Variants in SYNE2 observed in about 807,000 individuals in gnomAD.
The protein encoded by SYNE2 is spectrin repeat containing nuclear envelope protein 2.
A neutral mutation model predicts 856.3 loss-of-function variants in SYNE2; 431 were observed. The ratio of observed to expected loss-of-function variants is 0.50; its 90% CI spans 0.47 to 0.55. The LOEUF is 0.55. SYNE2 is among the 20% of genes least tolerant of loss of function. SYNE2 has a pLI of 0.00. For synonymous variants in SYNE2, 2,923 were observed against 2,872.3 expected (o/e 1.02, Z -0.56); for missense variants, 8,129 against 8,023.2 (o/e 1.01, Z -0.50).
At chr14:64,097,224 A>G (rs956539045) in intron 61 of SYNE2, among the ~76,000 whole-genome samples, 3 of 152,226 alleles carry the variant, frequency 2.0e-5, no homozygotes, top group African/African-American at 7.2e-5. Context: ...TCTGTCCATC[A>G]TTCCCATAAT....
chr14:63,912,436 C>T (rs1390931556), intron 2 of SYNE2, among the ~76,000 whole-genome samples: 2 of 152,114 alleles, frequency 1.3e-5, no homozygotes, highest in African/African-American at 4.8e-5. Context: ...TGGCATTGTA[C>T]ACACAGCAAG....
chr14:64,017,529 G>C, intron 33 of SYNE2, 66 bp from the exon 34 acceptor site: 1 of 1,312,172 alleles, frequency 7.6e-7, no homozygotes, highest in Non-Finnish European at 1.1e-6. Flanking sequence ...ACAGTGTTTG[G>C]CTGAAACAGT....
intron 96 of SYNE2, among the ~76,000 whole-genome samples, chr14:64,182,885 T>G (rs1432899149): frequency 6.6e-6 from 1 of 152,260 alleles, no homozygotes; most frequent in Non-Finnish European, 1.5e-5. Context: ...GGCCCGTTCT[T>G]AATGAGCTGT....
chr14:63,983,930 A>C (rs772402182), intron 18 of SYNE2, 44 bp downstream of exon 18: 1 of 1,373,040 alleles, frequency 7.3e-7, no homozygotes, highest in Non-Finnish European at 1.0e-6. Flanking sequence ...AAATAGAAAT[A>C]ATTTAACTTT....
chr14:64,081,077 G>A (rs1446786115), intron 56 of SYNE2, among the ~76,000 whole-genome samples: 1 of 152,190 alleles, frequency 6.6e-6, no homozygotes, highest in African/African-American at 2.4e-5. Context: ...CAAGAGTGAG[G>A]CAGCATCCTA....
At chr14:63,956,386 C>T in intron 8 of SYNE2, 1 of 456,076 alleles carries the variant, frequency 2.2e-6, no homozygotes, top group South Asian at 1.6e-5. Flanking sequence ...ATAATTTGTG[C>T]ATTTATATGA....
intron 2 of SYNE2, among the ~76,000 whole-genome samples, chr14:63,915,550 C>T (rs1432331345): frequency 2.0e-5 from 3 of 152,092 alleles, no homozygotes; most frequent in Non-Finnish European, 4.4e-5. Flanking sequence ...ATTCTATTAC[C>T]TTTGCCACCA....
chr14:64,186,447 C>G lies in SYNE2; in HGVS notation c.17580C>G (p.Ser5860Arg), dbSNP rs1336561310. The change falls in exon 97 of 116, where the codon AGC becomes AGG. Residue 5860 changes from serine (S) to arginine (R), a missense_variant. Physicochemically the swap from Ser to Arg is moderately radical, Grantham distance 110 (BLOSUM62 -1). Around this residue, in one of 3 missense-constraint regions of SYNE2, gnomAD observed 5,410 missense variants for 5,284.8 expected, o/e 1.02. Coordinates refer to ENST00000555002, the MANE Select transcript of SYNE2 (RefSeq NM_182914.3). ...LIKELEQSLA[S>R]WTQNLKELQT... is the part of the protein sequence containing the mutation. The stretch of plus-strand genomic sequence containing the variant: ...AGGAACTAGAACAGTCTTTGGCTAG[C>G]TGGACTCAGAACTTGAAAGAACTTC... 1.2e-6 allele frequency: 2 copies of G among 1,614,190 alleles called. No individual in the cohort carries two copies. The highest frequency in any genetic ancestry group is 1.7e-6 in the Non-Finnish European group (2 of 1,180,020).
At chr14:63,846,944 G>C (rs968318248) in intron 1 of SYNE2, among the ~76,000 whole-genome samples, 25 of 151,378 alleles carry the variant, frequency 1.7e-4, no homozygotes, top group Non-Finnish European at 3.1e-4. Flanking sequence ...CTTGTCTTCT[G>C]TTTTTGTTAC....
At position 64,167,591 on chromosome 14, in the gene SYNE2, T is replaced by C. The variant is rs370160896; in HGVS notation, c.16857T>C (p.Asp5619=). Residue 5619 remains aspartate, a synonymous_variant, in exon 92 of 116, where the codon GAT becomes GAC. Transcript: ENST00000555002. ...AGATAGAAGAAGCACTCAAAGTGGA[T>C]GTGGCTAACAGCCTTCCTGAGCTCC... ...LEKIEEALKV[D]VANSLPELLE... 1.2e-5 allele frequency: 20 copies of C among 1,614,114 alleles called. No homozygotes were observed. Among genetic ancestry groups the C allele is most frequent in the Non-Finnish European group, 1.5e-5 (18 of 1,180,048 alleles).
At chr14:63,795,628 A>T (rs768424506) in intron 1 of SYNE2, among the ~76,000 whole-genome samples, 28 of 152,104 alleles carry the variant, frequency 1.8e-4, no homozygotes, top group Admixed American at 1.3e-4. Context: ...CTGGATTACA[A>T]AGTAAGTAAT....
At chr14:63,901,284 T>C (rs1350864139) in intron 1 of SYNE2, among the ~76,000 whole-genome samples, 1 of 152,198 alleles carries the variant, frequency 6.6e-6, no homozygotes, top group Non-Finnish European at 1.5e-5. Flanking sequence ...CTCCTTGTTA[T>C]GAAGACATAG....
intron 2 of SYNE2, among the ~76,000 whole-genome samples, chr14:63,913,710 G>C (rs926601014): frequency 6.6e-6 from 1 of 151,372 alleles, no homozygotes; most frequent in African/African-American, 2.4e-5. Context: ...TGATTTGCCT[G>C]CCTTGGCTCC....
chr14:63,824,040 A>C, intron 1 of SYNE2, among the ~76,000 whole-genome samples: 1 of 152,334 alleles, frequency 6.6e-6, no homozygotes, highest in Non-Finnish European at 1.5e-5. Context: ...TTAATTGTCC[A>C]TTTAAAAATA....
At chr14:63,908,742 C>T (rs1172347868) in intron 1 of SYNE2, among the ~76,000 whole-genome samples, 1 of 152,142 alleles carries the variant, frequency 6.6e-6, no homozygotes, top group East Asian at 1.9e-4. Context: ...CTAACAATCA[C>T]ATAACACTAA....
At chr14:64,063,865 A>G (rs1368897100) in intron 50 of SYNE2, among the ~76,000 whole-genome samples, 1 of 152,202 alleles carries the variant, frequency 6.6e-6, no homozygotes, top group Non-Finnish European at 1.5e-5. Context: ...CAAGACACCC[A>G]GTGGATGCTT....
rs1266749996 is a variant in SYNE2, at chr14:63,986,128, C to A, written c.2152-328C>A. On this transcript the variant is annotated intron_variant, in intron 18 of 115. Transcript: ENST00000555002. ...TATCTTTTATTTTTGAAGACAGGGT[C>A]TTGCTTTGTTGCCCAGGCTGGAATG... 7.9e-5 allele frequency among the ~76,000 whole-genome samples: 12 copies of A among 152,294 alleles called. No individual in the cohort carries two copies. The East Asian group carries it at 1.9e-3, about 24-fold the overall frequency.
At chr14:64,067,348 C>A (rs2097365519) in intron 51 of SYNE2, among the ~76,000 whole-genome samples, 2 of 152,202 alleles carry the variant, frequency 1.3e-5, no homozygotes, top group South Asian at 4.1e-4. Flanking sequence ...AAGTGAGACA[C>A]AGTGAGACTG....
chr14:64,007,218 G>A lies in SYNE2; in HGVS notation c.4573G>A (p.Glu1525Lys), dbSNP rs773491157. Reference sequence around the variant, plus strand: ...GGAGAATACCAAAGCCTTGGTCACCGAATGGTAAGGAAAAAAAAGAATCCC... The same window carrying A: ...GGAGAATACCAAAGCCTTGGTCACCAAATGGTAAGGAAAAAAAAGAATCCC... ...LWENTKALVT[E>K]CLEQCGRVLE... Residue 1525 changes from glutamate to lysine, a missense_variant, in exon 31 of 116, where the codon GAA becomes AAA. Glu to Lys is a moderately conservative substitution (Grantham distance 56). Transcript: ENST00000555002. 8 of 1,613,722 alleles carry A rather than the reference G, an allele frequency of 5.0e-6. No individual in the cohort carries two copies. The highest frequency in any genetic ancestry group is 2.2e-5 in the South Asian group (2 of 91,060).
Sources: gnomAD v4.1 joint callset for allele counts (sites outside exome capture counted in the v4.1 genomes callset) on GRCh38, gnomAD v4.1.1 for gene constraint, gnomAD v4.1.1 regional missense constraint, MANE v1.5 for transcripts, NCBI Gene and HGNC (gene_info 2026-07-23, HGNC 2026-07-21) for gene names.